BAG1: variants seen among roughly 807,000 people sequenced by gnomAD.
BAG1 encodes the protein BAG family molecular chaperone regulator 1.
BAG1 carries 35 observed loss-of-function variants against 35.5 expected under a neutral mutation model. That is an observed-to-expected ratio of 0.99 (90% CI 0.75 to 1.31). BAG1 has a LOEUF of 1.31. Among genes scored for constraint, BAG1 ranks in the 50% most tolerant of loss-of-function variants. The pLI is 0.00. For missense variants in BAG1, 464 were observed against 453.6 expected, an observed-to-expected ratio of 1.02 and a Z score of -0.21; for synonymous variants, 191 against 178.9, an observed-to-expected ratio of 1.07 and a Z score of -0.54.
chr9:33,263,981 G>A lies in BAG1; in HGVS notation c.451+243C>T, dbSNP rs144704505. Among the ~76,000 whole-genome samples the A allele has an allele frequency of 2.6e-5, 4 of 152,268 alleles. No homozygotes were observed. In the East Asian group the frequency reaches 7.7e-4, roughly 29 times the overall value. ...CAACCAGGCCCACGACGTAAAGCAC[G>A]GAGAAGCTCAAACACCCAGGATCGC... On this transcript the variant is annotated intron_variant, in intron 1 of 6. Coordinates refer to ENST00000634734, the MANE Select transcript of BAG1 (RefSeq NM_004323.6).
At position 33,255,084 on chromosome 9, in the gene BAG1, AGT is replaced by A; in HGVS notation, c.*133_*134del. ...AAGACACTATTTTTCATTGAGAACC[AGT>A]GTGAGAGTAGGAAAATTGGCAAATG... On this transcript the variant is annotated 3_prime_UTR_variant, in exon 7 of 7. Transcript: ENST00000634734. 6.3e-7 allele frequency: 1 copy of A among 1,596,100 alleles called. No homozygotes were observed. Among genetic ancestry groups the A allele is most frequent in the African/African-American group, 1.3e-5 (1 of 74,844 alleles).
Position 33,264,239 on chromosome 9 carries a change from C to T in BAG1, c.436G>A (p.Val146Met), listed in dbSNP as rs770536946. 1.2e-6 allele frequency: 2 copies of T among 1,608,980 alleles called. No homozygotes were observed. The highest frequency in any genetic ancestry group is 1.7e-6 in the Non-Finnish European group (2 of 1,178,266). Reference sequence around the variant, plus strand: ...CGACACTCACTGTGGGTGACAGTCACGGTGAGCCCAGCTGCCGCCATTTCC... The same window carrying T: ...CGACACTCACTGTGGGTGACAGTCATGGTGAGCCCAGCTGCCGCCATTTCC... The change falls in exon 1 of 7, where the codon GTG becomes ATG. Residue 146 changes from valine (V) to methionine (M), a missense_variant. Coordinates refer to ENST00000634734, the MANE Select transcript of BAG1 (RefSeq NM_004323.6).
intron 2 of BAG1, chr9:33,262,247 C>A (rs1236546823): frequency 1.9e-5 from 24 of 1,269,722 alleles, no homozygotes; most frequent in Non-Finnish European, 2.4e-5. Context: ...TGTTGAAGAA[C>A]TGAATGAATA....
chr9:33,256,549 C>A (rs1820457271), intron 5 of BAG1, among the ~76,000 whole-genome samples: 2 of 152,218 alleles, frequency 1.3e-5, no homozygotes, highest in African/African-American at 4.8e-5. Flanking sequence ...ATTACAGATG[C>A]TACTGGCAAA....
chr9:33,264,645 C>A lies in BAG1; in HGVS notation c.30G>T (p.Pro10=), dbSNP rs966798628. The change falls in exon 1 of 7, where the codon CCG becomes CCT. Residue 10 remains proline (P), a synonymous_variant. Coordinates refer to ENST00000634734, the MANE Select transcript of BAG1 (RefSeq NM_004323.6). Reference sequence around the variant, plus strand: ...AACCCAGCCGCTCCCGGTCGCCTCGCGGTCTCCGCGCCCCCCCGCGCTGAG... The same window carrying A: ...AACCCAGCCGCTCCCGGTCGCCTCGAGGTCTCCGCGCCCCCCCGCGCTGAG... 1.5e-5 allele frequency: 20 copies of A among 1,345,748 alleles called. No individual in the cohort carries two copies. Among genetic ancestry groups the A allele is most frequent in the Admixed American group, 1.2e-4 (3 of 25,030 alleles). The allele number at this position is 1,345,748 out of a possible 1,614,324, so 83.4% of individuals were successfully genotyped here. A position where few individuals can be genotyped will look rare whatever the true frequency, so the allele number is the denominator to read the frequency against.
At position 33,262,757 on chromosome 9, in the gene BAG1, C is replaced by G. The variant is rs757474062; in HGVS notation, c.525G>C (p.Gln175His). The change falls in exon 2 of 7, where the codon CAG becomes CAC. Residue 175 changes from glutamine to histidine, a missense_variant. Transcript: ENST00000634734. ...GAACCCCTATGACCTCTTCAACAAC[C>G]TGGGCCAGGTCTTGGACAACTGGTT... The G allele has an allele frequency of 6.2e-7, 1 of 1,614,060 alleles. No homozygotes were observed. The highest frequency in any genetic ancestry group is 8.5e-7 in the Non-Finnish European group (1 of 1,180,032).
intron 2 of BAG1, among the ~76,000 whole-genome samples, chr9:33,262,445 T>A (rs948562072): frequency 6.6e-6 from 1 of 151,934 alleles, no homozygotes; most frequent in East Asian, 1.9e-4. Flanking sequence ...TCACCTGAGA[T>A]CAGGAGTTCG....
chr9:33,257,040 A>C, intron 4 of BAG1, 132 bp from the exon 5 acceptor site: 1 of 639,688 alleles, frequency 1.6e-6, no homozygotes, highest in Non-Finnish European at 2.7e-6. Context: ...CAGATCCACA[A>C]CTTTAACTCT....
intron 4 of BAG1, chr9:33,257,445 C>G (rs1820479065): frequency 1.3e-5 from 2 of 152,290 alleles, no homozygotes; most frequent in African/African-American, 4.8e-5. Flanking sequence ...ATCAAATTGT[C>G]TAATGGTTCA....
chr9:33,264,200 G>A (rs1390028969), intron 1 of BAG1, 24 bp downstream of exon 1: 3 of 1,574,580 alleles, frequency 1.9e-6, no homozygotes, highest in East Asian at 4.7e-5. Context: ...CCTGCATGGA[G>A]CCCACCTGGC....
At chr9:33,263,263 C>T (rs1820617294) in intron 1 of BAG1, among the ~76,000 whole-genome samples, 1 of 152,186 alleles carries the variant, frequency 6.6e-6, no homozygotes, top group African/African-American at 2.4e-5. Context: ...CATCTGCTTC[C>T]TGTGGCTTGA....
At chr9:33,255,764 A>T in intron 6 of BAG1, 101 bp downstream of exon 6, 1 of 1,321,104 alleles carries the variant, frequency 7.6e-7, no homozygotes, top group Non-Finnish European at 1.1e-6. Flanking sequence ...ACAAGCCCAT[A>T]CCACACACCA....
At chr9:33,260,432 A>T (rs1820544579) in intron 3 of BAG1, 1 of 152,196 alleles carries the variant, frequency 6.6e-6, no homozygotes, top group Admixed American at 6.5e-5. Flanking sequence ...GGCAGTTCCA[A>T]GTCTGGATTA....
Position 33,264,403 on chromosome 9 carries a change from T to C in BAG1, c.272A>G (p.Glu91Gly). 6.2e-7 allele frequency: 1 copy of C among 1,601,466 alleles called. No individual in the cohort carries two copies. Among genetic ancestry groups the C allele is most frequent in the Non-Finnish European group, 8.5e-7 (1 of 1,175,332 alleles). ...GGTCGCTTCCTCACTCAGGGTCAACTCCTCGCTCCGGGTCAACTCCTCGCT... is the reference window on the plus strand; with the variant it reads ...GGTCGCTTCCTCACTCAGGGTCAACCCCTCGCTCCGGGTCAACTCCTCGCT... Residue 91 changes from glutamate to glycine, a missense_variant, in exon 1 of 7, where the codon GAG (glutamate) becomes GGG (glycine). Physicochemically the swap from Glu to Gly is moderately conservative, Grantham distance 98. Transcript: ENST00000634734.
intron 2 of BAG1, among the ~76,000 whole-genome samples, chr9:33,261,670 A>T (rs968422268): frequency 6.6e-6 from 1 of 152,114 alleles, no homozygotes; most frequent in African/African-American, 2.4e-5. Flanking sequence ...AAATATTTTT[A>T]AAAATTAAAG....
chr9:33,264,142 T>C (rs992310545), intron 1 of BAG1, 82 bp downstream of exon 1: 2 of 1,476,270 alleles, frequency 1.4e-6, no homozygotes, highest in African/African-American at 1.4e-5. Flanking sequence ...GTCACACGCT[T>C]CTGGAGGACA....
chr9:33,264,486 G>C lies in BAG1; in HGVS notation c.189C>G (p.Ala63=), dbSNP rs373037713. The C allele has an allele frequency of 1.2e-6, 2 of 1,610,908 alleles. No homozygotes were observed. Among genetic ancestry groups the C allele is most frequent in the South Asian group, 2.2e-5 (2 of 90,962 alleles). ...TCCGCGGCCTGCGAGCGCCGGCGGC[G>C]GCGCCCCTGGTGGGTCGGTCATGCC... Residue 63 remains alanine (A), a synonymous_variant, in exon 1 of 7, where the codon GCC becomes GCG. Transcript: ENST00000634734.
Position 33,262,778 on chromosome 9 carries a change from T to A in BAG1, c.504A>T (p.Pro168=). 6.2e-7 allele frequency: 1 copy of A among 1,614,132 alleles called. No homozygotes were observed. Among genetic ancestry groups the A allele is most frequent in the Non-Finnish European group, 8.5e-7 (1 of 1,179,978 alleles). Residue 168 remains proline, a synonymous_variant, in exon 2 of 7, where the codon CCA becomes CCT. Coordinates refer to ENST00000634734, the MANE Select transcript of BAG1 (RefSeq NM_004323.6). The stretch of plus-strand genomic sequence containing the variant: ...CAACCTGGGCCAGGTCTTGGACAAC[T>A]GGTTCACTGCTGCCCTGCTGGGAGG...
intron 3 of BAG1, 197 bp from the exon 4 acceptor site, chr9:33,259,230 G>A: frequency 2.3e-6 from 1 of 432,946 alleles, no homozygotes; most frequent in South Asian, 2.3e-5. Flanking sequence ...AGGCATGCTG[G>A]CGTGCACCTG....
Sources: allele counts gnomAD v4.1 joint callset (sites outside exome capture counted in the v4.1 genomes callset), GRCh38; gene constraint gnomAD v4.1.1; transcripts MANE v1.5; gene names NCBI Gene and HGNC (gene_info 2026-07-23, HGNC 2026-07-21).